The following STK33 variants were observed in gnomAD, a reference collection of about 807,000 sequenced individuals.
STK33 encodes serine/threonine kinase 33.
A neutral mutation model predicts 58.0 loss-of-function variants in STK33; 52 were observed. That is an observed-to-expected ratio of 0.90 (90% CI 0.72 to 1.13). The LOEUF (loss-of-function observed/expected upper bound fraction) is 1.13. Among genes scored for constraint, STK33 ranks in the 50% most tolerant of loss-of-function variants. STK33 has a pLI of 0.00. For missense variants in STK33, 630 were observed against 604.2 expected, an observed-to-expected ratio of 1.04 and a Z score of -0.45; for synonymous variants, 215 against 200.1, an observed-to-expected ratio of 1.07 and a Z score of -0.63.
the STK33 span, among the ~76,000 whole-genome samples, chr11:8,340,393 G>C: frequency 3.1e-3 from 467 of 152,258 alleles, 2 homozygotes; most frequent in African/African-American, 0.011. Flanking sequence ...TCCTACAACA[G>C]TGCCTGCCAT....
intron 11 of STK33, among the ~76,000 whole-genome samples, chr11:8,445,421 A>G (rs1371019044): frequency 6.6e-6 from 1 of 152,162 alleles, no homozygotes; most frequent in African/African-American, 2.4e-5. Flanking sequence ...ACTATGTTGA[A>G]TAGGAGTGGT....
chr11:8,396,222 G>C (rs893524661), intron 15 of STK33, among the ~76,000 whole-genome samples: 6 of 152,164 alleles, frequency 3.9e-5, no homozygotes, highest in African/African-American at 1.4e-4. Flanking sequence ...TCCTACCTCA[G>C]CCTCCCGAGT....
intron 1 of STK33, among the ~76,000 whole-genome samples, chr11:8,536,206 T>C (rs1228658909): frequency 6.6e-6 from 1 of 152,180 alleles, no homozygotes; most frequent in East Asian, 1.9e-4. Flanking sequence ...AGGGTAATTA[T>C]AGTTAACAAA....
At chr11:8,401,255 T>A (rs1318050822) in intron 15 of STK33, among the ~76,000 whole-genome samples, 3 of 152,214 alleles carry the variant, frequency 2.0e-5, no homozygotes, top group African/African-American at 7.2e-5. Flanking sequence ...AGCATGGTAC[T>A]GGTACCAAAA....
At chr11:8,568,773 T>C (rs575108583) in intron 1 of STK33, among the ~76,000 whole-genome samples, 1 of 152,270 alleles carries the variant, frequency 6.6e-6, no homozygotes, top group South Asian at 2.1e-4. Context: ...AAAGTCTTAT[T>C]CCCTTACATA....
intron 1 of STK33, among the ~76,000 whole-genome samples, chr11:8,512,835 G>A (rs925019353): frequency 6.6e-6 from 1 of 151,972 alleles, no homozygotes; most frequent in Non-Finnish European, 1.5e-5. Context: ...CCTTCCTCAG[G>A]TACACAATTA....
intron 1 of STK33, among the ~76,000 whole-genome samples, chr11:8,516,986 G>A (rs1432267058): frequency 6.6e-6 from 1 of 152,198 alleles, no homozygotes; most frequent in African/African-American, 2.4e-5. Flanking sequence ...GACAGTAGCG[G>A]TTCTCTCAGC....
At chr11:8,335,098 C>A in the STK33 span, among the ~76,000 whole-genome samples, 1 of 152,186 alleles carries the variant, frequency 6.6e-6, no homozygotes, top group African/African-American at 2.4e-5. Flanking sequence ...CCATCAGGTG[C>A]GCGGAGGAAT....
intron 14 of STK33, among the ~76,000 whole-genome samples, chr11:8,423,675 C>G (rs1262242325): frequency 6.6e-6 from 1 of 152,020 alleles, no homozygotes; most frequent in East Asian, 1.9e-4. Flanking sequence ...TGCTTGAGAA[C>G]ATGTACATTC....
At chr11:8,585,347 C>T (rs1216870840) in intron 1 of STK33, among the ~76,000 whole-genome samples, 1 of 151,130 alleles carries the variant, frequency 6.6e-6, no homozygotes, top group African/African-American at 2.4e-5. Context: ...GCCTCAACCT[C>T]CTGAGTAGCT....
chr11:8,422,105 T>G (rs557516354), intron 14 of STK33, among the ~76,000 whole-genome samples: 1 of 152,190 alleles, frequency 6.6e-6, no homozygotes, highest in African/African-American at 2.4e-5. Context: ...CCTTCTCGCA[T>G]TTCCTATTCA....
chr11:8,481,842 A>T (rs1949828058), intron 1 of STK33, among the ~76,000 whole-genome samples: 1 of 152,082 alleles, frequency 6.6e-6, no homozygotes, highest in Admixed American at 6.6e-5. Context: ...CATATTGTCA[A>T]ACCCAAGGGC....
At chr11:8,580,687 G>A (rs1565412418) in intron 1 of STK33, 2 of 152,144 alleles carry the variant, frequency 1.3e-5, no homozygotes, top group Non-Finnish European at 2.9e-5. Flanking sequence ...TTTCCATGAT[G>A]TGATTACTAT....
chr11:8,574,887 A>G (rs1266871348), intron 1 of STK33, among the ~76,000 whole-genome samples: 1 of 151,956 alleles, frequency 6.6e-6, no homozygotes, highest in Non-Finnish European at 1.5e-5. Context: ...AAAAAAGGAA[A>G]AAAAAAAAAT....
chr11:8,401,974 T>C (rs1938089932), intron 15 of STK33, among the ~76,000 whole-genome samples: 1 of 152,166 alleles, frequency 6.6e-6, no homozygotes, highest in African/African-American at 2.4e-5. Flanking sequence ...CAACAGGTGC[T>C]GGAGAAGATG....
rs560862993 is a variant in STK33, at chr11:8,502,243, C to T, written c.-465-21629G>A. Among the ~76,000 whole-genome samples, 182 of 152,152 alleles carry T rather than the reference C, an allele frequency of 1.2e-3. 2 individuals carry two copies. Among genetic ancestry groups the T allele is most frequent in the Middle Eastern group, 6.8e-3 (2 of 294 alleles). On this transcript the variant is annotated intron_variant, in intron 1 of 15. Coordinates refer to ENST00000687296, the MANE Select transcript of STK33 (RefSeq NM_001352389.2). ...TGTTACCCAACTTCAAACTATACTA[C>T]GGGGCTACAGTAACCAAAAAAGCAT... is the stretch of plus-strand genomic sequence containing the variant.
At chr11:8,538,303 A>C (rs988808677) in intron 1 of STK33, among the ~76,000 whole-genome samples, 1 of 152,222 alleles carries the variant, frequency 6.6e-6, no homozygotes, top group African/African-American at 2.4e-5. Flanking sequence ...AACTCTATGA[A>C]GTAGGCACTA....
rs182078957 is a variant in STK33, at chr11:8,540,105, T to G, written c.-466+53978A>C. On this transcript the variant is annotated intron_variant, in intron 1 of 15. Transcript: ENST00000687296. The stretch of plus-strand genomic sequence containing the variant: ...CTTTTGCTCACCTCATAAATATATA[T>G]GCACTCCCATGTTGATTACCGCATT... Among the ~76,000 whole-genome samples the G allele has an allele frequency of 3.9e-3, 594 of 152,228 alleles. 2 individuals carry two copies. The highest frequency in any genetic ancestry group is 0.013 in the African/African-American group (550 of 41,534).
chr11:8,484,539 T>C (rs147440046), intron 1 of STK33, among the ~76,000 whole-genome samples: 154 of 152,308 alleles, frequency 1.0e-3, no homozygotes, highest in African/African-American at 3.6e-3. Flanking sequence ...TACGAGCAAC[T>C]TGTCATGCTA....
Sources: allele counts gnomAD v4.1 joint callset (sites outside exome capture counted in the v4.1 genomes callset), GRCh38; gene constraint gnomAD v4.1.1; transcripts MANE v1.5; gene names NCBI Gene and HGNC (gene_info 2026-07-23, HGNC 2026-07-21).